Variants in STARD13 observed in about 807,000 individuals in gnomAD.
STARD13 encodes StAR related lipid transfer domain containing 13.
In STARD13, 62 loss-of-function variants were observed where a neutral mutation model predicts 106.4. That is an observed-to-expected ratio of 0.58 (90% CI 0.48 to 0.72). The LOEUF (loss-of-function observed/expected upper bound fraction) is 0.72, where lower values mean the gene tolerates loss of function less well. Ranked by LOEUF, STARD13 falls within the 30% of genes least tolerant of loss-of-function variation. The pLI is 0.00. For synonymous variants in STARD13, 565 were observed against 553.0 expected (o/e 1.02, Z -0.31); for missense variants, 1,387 against 1,424.0 (o/e 0.97, Z 0.42).
the STARD13 span, among the ~76,000 whole-genome samples, chr13:33,490,854 T>G: frequency 6.6e-6 from 1 of 152,210 alleles, no homozygotes; most frequent in East Asian, 1.9e-4. Context: ...GAAAGAGCTT[T>G]GTAACACTGA....
At chr13:33,639,888 G>A in the STARD13 span, among the ~76,000 whole-genome samples, 12 of 152,114 alleles carry the variant, frequency 7.9e-5, no homozygotes, top group African/African-American at 1.9e-4. Context: ...GGTGGGTGGC[G>A]GGGACTACCC....
intron 1 of STARD13, among the ~76,000 whole-genome samples, chr13:33,177,099 T>C (rs547382618): frequency 3.1e-4 from 47 of 152,340 alleles, no homozygotes; most frequent in Non-Finnish European, 5.6e-4. Context: ...GGCTACCTTG[T>C]CTAATATGAA....
chr13:33,214,254 C>T (rs2138148681), intron 1 of STARD13, among the ~76,000 whole-genome samples: 1 of 152,264 alleles, frequency 6.6e-6, no homozygotes, highest in Middle Eastern at 3.4e-3. Flanking sequence ...GGTTTTATAT[C>T]TGACTGCTTT....
At chr13:33,398,626 GA>G in the STARD13 span, among the ~76,000 whole-genome samples, 573 of 144,536 alleles carry the variant, frequency 4.0e-3, 1 homozygote, top group African/African-American at 9.7e-3. Context: ...GGAATATGGG[GA>G]AAAAAAAGAG....
the STARD13 span, among the ~76,000 whole-genome samples, chr13:33,388,671 C>G: frequency 1.3e-5 from 2 of 152,184 alleles, no homozygotes; most frequent in South Asian, 4.1e-4. Flanking sequence ...TAGACACGCC[C>G]TATCCTCTGA....
the STARD13 span, among the ~76,000 whole-genome samples, chr13:33,482,678 T>A: frequency 1.3e-5 from 2 of 152,204 alleles, no homozygotes; most frequent in African/African-American, 4.8e-5. Flanking sequence ...AAAGCACAAT[T>A]TTTAAAAATG....
chr13:33,288,050 A>G (rs946879192), upstream of STARD13, among the ~76,000 whole-genome samples: 1 of 152,048 alleles, frequency 6.6e-6, no homozygotes, highest in Non-Finnish European at 1.5e-5. Flanking sequence ...AACAAGTGGA[A>G]TGATTCTTCC....
chr13:33,161,608 C>T (rs1018482097), intron 3 of STARD13, among the ~76,000 whole-genome samples: 1 of 152,200 alleles, frequency 6.6e-6, no homozygotes, highest in Non-Finnish European at 1.5e-5. Context: ...AGCCACAACA[C>T]CTGGTCTGCT....
chr13:33,332,446 T>C (rs185951161), intron 1 of STARD13, among the ~76,000 whole-genome samples: 357 of 152,250 alleles, frequency 2.3e-3, no homozygotes, highest in Non-Finnish European at 3.7e-3. Context: ...CTCTGGTAAA[T>C]GGGATTAGTG....
At chr13:33,511,315 A>AT in the STARD13 span, 3 of 151,992 alleles carry the variant, frequency 2.0e-5, no homozygotes, top group Non-Finnish European at 4.4e-5. Flanking sequence ...TCCATCTCAA[A>AT]AAAAAAAAAG....
chr13:33,431,362 T>G, the STARD13 span, among the ~76,000 whole-genome samples: 1 of 152,184 alleles, frequency 6.6e-6, no homozygotes, highest in Non-Finnish European at 1.5e-5. Context: ...TAAAATGATA[T>G]TTTAGAGATA....
intron 4 of STARD13, among the ~76,000 whole-genome samples, chr13:33,131,982 G>GT (rs112576381): frequency 2.6e-5 from 4 of 152,268 alleles, no homozygotes; most frequent in African/African-American, 9.6e-5. Context: ...TGTATCTAGC[G>GT]TCCACTTTAA....
chr13:33,620,228 T>A, the STARD13 span, among the ~76,000 whole-genome samples: 1 of 151,626 alleles, frequency 6.6e-6, no homozygotes, highest in South Asian at 2.1e-4. Flanking sequence ...CAAGACCTAA[T>A]TGACATTCAA....
chr13:33,163,870 G>A (rs545655055), intron 3 of STARD13, among the ~76,000 whole-genome samples: 9 of 151,332 alleles, frequency 5.9e-5, no homozygotes, highest in African/African-American at 1.9e-4. Flanking sequence ...AAAAAAATAT[G>A]TGGTTAAAAC....
At chr13:33,520,436 A>G in the STARD13 span, among the ~76,000 whole-genome samples, 2 of 152,142 alleles carry the variant, frequency 1.3e-5, no homozygotes, top group Admixed American at 1.3e-4. Flanking sequence ...CAGAAGACAT[A>G]AGGACCTAAA....
the STARD13 span, among the ~76,000 whole-genome samples, chr13:33,505,752 G>C: frequency 6.6e-6 from 1 of 152,052 alleles, no homozygotes; most frequent in Non-Finnish European, 1.5e-5. Context: ...CAATGGCCAA[G>C]CCAAAATAGC....
chr13:33,329,095 A>G (rs73478188), intron 1 of STARD13, among the ~76,000 whole-genome samples: 3,711 of 152,348 alleles, frequency 0.024, 149 homozygotes, highest in African/African-American at 0.084. Flanking sequence ...TCTAGTCAGT[A>G]TGTTAAATAA....
At chr13:33,177,812 G>A (rs1206867393) in intron 1 of STARD13, among the ~76,000 whole-genome samples, 3 of 23,340 alleles carry the variant, frequency 1.3e-4, no homozygotes, top group African/African-American at 4.6e-4. Context: ...AAGGAAGGAA[G>A]GAAGGAAGGA....
chr13:33,304,125 T>C (rs1892818368), intron 1 of STARD13, among the ~76,000 whole-genome samples: 1 of 152,254 alleles, frequency 6.6e-6, no homozygotes, highest in Admixed American at 6.5e-5. Flanking sequence ...TGAAATCCAC[T>C]CACTGCAGAC....
Sources: gnomAD v4.1 joint callset for allele counts (sites outside exome capture counted in the v4.1 genomes callset) on GRCh38, gnomAD v4.1.1 for gene constraint, MANE v1.5 for transcripts, NCBI Gene and HGNC (gene_info 2026-07-23, HGNC 2026-07-21) for gene names.